Variants in DCAF17 observed in about 807,000 individuals in gnomAD.
The protein encoded by DCAF17 is DDB1 and CUL4 associated factor 17, also known as DDB1- and CUL4-associated factor 17.
A neutral mutation model predicts 66.0 loss-of-function variants in DCAF17; 48 were observed. That is an observed-to-expected ratio of 0.73 (90% confidence interval 0.58 to 0.92). The LOEUF (loss-of-function observed/expected upper bound fraction) is 0.92. DCAF17 is among the 40% of genes least tolerant of loss of function. The pLI, the probability that DCAF17 is intolerant of heterozygous loss-of-function variation, is 0.00. For synonymous variants in DCAF17, 206 were observed against 214.6 expected (o/e 0.96, Z 0.35); for missense variants, 562 against 622.8 (o/e 0.90, Z 1.04).
intron 4 of DCAF17, among the ~76,000 whole-genome samples, chr2:171,449,201 T>G (rs993053457): frequency 6.6e-6 from 1 of 152,148 alleles, no homozygotes; most frequent in African/African-American, 2.4e-5. Context: ...AGAGCTGAGG[T>G]TTCCCTATGT....
chr2:171,451,890 T>G (rs1270639034), intron 5 of DCAF17, among the ~76,000 whole-genome samples: 2 of 152,224 alleles, frequency 1.3e-5, no homozygotes, highest in Non-Finnish European at 2.9e-5. Context: ...CGTTATCATA[T>G]GTTAATGTTT....
intron 13 of DCAF17, among the ~76,000 whole-genome samples, chr2:171,480,697 T>C (rs1433528634): frequency 6.6e-6 from 1 of 152,160 alleles, no homozygotes; most frequent in African/African-American, 2.4e-5. Flanking sequence ...TCGTAAATGA[T>C]CACACAGTGA....
Position 171,481,223 on chromosome 2 carries a change from A to C in DCAF17, c.*109A>C, listed in dbSNP as rs1289167244. On this transcript the variant is annotated 3_prime_UTR_variant, in exon 14 of 14. Transcript: ENST00000375255. ...CACATTCTCCAGTATTTTCCAAAAA[A>C]GTCTTGTGTTGACTTCAGATGACTA... 1 of 1,435,826 alleles carries C rather than the reference A, an allele frequency of 7.0e-7. No homozygotes were observed. The highest frequency in any genetic ancestry group is 2.3e-5 in the East Asian group (1 of 43,332). The allele number at this position is 1,435,826 out of a possible 1,614,324, so 88.9% of individuals were successfully genotyped here.
intron 7 of DCAF17, 93 bp downstream of exon 7, chr2:171,458,168 G>A (rs1355955925): frequency 8.2e-6 from 10 of 1,221,662 alleles, no homozygotes; most frequent in Non-Finnish European, 1.2e-5. Context: ...TTAGAGTAAG[G>A]CACTTCTGTA....
At position 171,434,842 on chromosome 2, in the gene DCAF17, A is replaced by G. The variant is rs900905980; in HGVS notation, c.126+139A>G. 7.8e-5 allele frequency: 103 copies of G among 1,323,010 alleles called. 1 individual carries two copies. In the South Asian group the frequency reaches 1.3e-3, roughly 17 times the overall value. 82.0% of individuals were successfully genotyped at this position (1,323,010 alleles called of 1,614,324 possible). On this transcript the variant is annotated intron_variant, in intron 1 of 13. Transcript: ENST00000375255. ...ATGGGGAGGAGGATACAAGCCCGGA[A>G]TCTGGGATAGGTGGTAATAGGGCCA...
chr2:171,460,790 C>A (rs1161525759), intron 8 of DCAF17, among the ~76,000 whole-genome samples: 1 of 152,064 alleles, frequency 6.6e-6, no homozygotes, highest in Non-Finnish European at 1.5e-5. Flanking sequence ...CCTACCTCAT[C>A]CGCCCAAAGT....
chr2:171,458,215 C>A, intron 7 of DCAF17, 140 bp downstream of exon 7: 2 of 1,031,912 alleles, frequency 1.9e-6, no homozygotes, highest in Non-Finnish European at 3.0e-6. Context: ...ATGTAGAAGA[C>A]AAGTAACCTT....
intron 8 of DCAF17, among the ~76,000 whole-genome samples, chr2:171,459,824 T>C (rs1178230780): frequency 6.6e-6 from 1 of 152,184 alleles, no homozygotes; most frequent in Non-Finnish European, 1.5e-5. Context: ...ACTCAAGTTT[T>C]TAGATGCCTT....
intron 1 of DCAF17, 63 bp downstream of exon 1, chr2:171,434,766 C>T (rs1169271923): frequency 7.2e-7 from 1 of 1,389,550 alleles, no homozygotes. Flanking sequence ...GAGCCTCCTG[C>T]GGGGATGCGG....
Position 171,484,003 on chromosome 2 carries a change from A to T in DCAF17, c.*2889A>T, listed in dbSNP as rs1046016532. 5.5e-5 allele frequency: 25 copies of T among 453,740 alleles called. No homozygotes were observed. The highest frequency in any genetic ancestry group is 5.4e-4 in the Admixed American group (23 of 42,528). The allele number at this position is 453,740 out of a possible 1,614,324, so 28.1% of individuals were successfully genotyped here. On this transcript the variant is annotated 3_prime_UTR_variant, in exon 14 of 14. Coordinates refer to ENST00000375255, the MANE Select transcript of DCAF17 (RefSeq NM_025000.4). Reference sequence around the variant, plus strand: ...GGAAAGTGCTTAATAATCGTTTTTTACTGATGATTCAGTGTCTAAATTTTG... The same window carrying T: ...GGAAAGTGCTTAATAATCGTTTTTTTCTGATGATTCAGTGTCTAAATTTTG...
chr2:171,484,529 C>T lies in DCAF17; in HGVS notation c.*3415C>T, dbSNP rs1264515713. The T allele has an allele frequency of 4.4e-6, 2 of 451,928 alleles. No homozygotes were observed. Among genetic ancestry groups the T allele is most frequent in the East Asian group, 1.4e-4 (2 of 14,404 alleles). 28.0% of individuals were successfully genotyped at this position (451,928 alleles called of 1,614,324 possible). On this transcript the variant is annotated 3_prime_UTR_variant, in exon 14 of 14. Coordinates refer to ENST00000375255, the MANE Select transcript of DCAF17 (RefSeq NM_025000.4). ...ATTGCAGTTGCTGATATACTTCCCC[C>T]TAGTACTTCAACTGCAGATTATTAA...
At chr2:171,460,271 C>T (rs886116392) in intron 8 of DCAF17, among the ~76,000 whole-genome samples, 6 of 145,412 alleles carry the variant, frequency 4.1e-5, no homozygotes, top group East Asian at 2.0e-4. Context: ...TGCAGTGAGC[C>T]GAGATCGTGC....
At chr2:171,452,054 T>G (rs1694986162) in intron 5 of DCAF17, among the ~76,000 whole-genome samples, 1 of 152,002 alleles carries the variant, frequency 6.6e-6, no homozygotes, top group African/African-American at 2.4e-5. Context: ...ACAGAAGGAG[T>G]CTGATTTACC....
chr2:171,446,417 G>A (rs767232889), intron 3 of DCAF17, among the ~76,000 whole-genome samples: 21 of 151,960 alleles, frequency 1.4e-4, no homozygotes, highest in Non-Finnish European at 2.4e-4. Context: ...GTGGTGGCAC[G>A]CACCTGTAAT....
intron 5 of DCAF17, 41 bp from the exon 6 acceptor site, chr2:171,453,083 T>C (rs1695046023): frequency 7.1e-7 from 1 of 1,404,166 alleles, no homozygotes; most frequent in Admixed American, 1.9e-5. Context: ...GTTTCTGAAG[T>C]ACTTTTGAGA....
At chr2:171,457,487 C>T (rs1039433695) in intron 6 of DCAF17, among the ~76,000 whole-genome samples, 1 of 152,182 alleles carries the variant, frequency 6.6e-6, no homozygotes, top group Non-Finnish European at 1.5e-5. Context: ...GATTGAAGAA[C>T]ATCTTTCACT....
intron 12 of DCAF17, 140 bp downstream of exon 12, chr2:171,478,210 C>T: frequency 1.4e-6 from 1 of 727,024 alleles, no homozygotes; most frequent in Non-Finnish European, 2.5e-6. Context: ...GTTGCGCATG[C>T]TATTTCAACC....
Position 171,450,082 on chromosome 2 carries a change from G to A in DCAF17, c.537+125G>A, listed in dbSNP as rs996595557. ...CATGCTGTAAAAGATAGGATTCACG[G>A]CAACCTGGATGGGATCGGAGACCAT... On this transcript the variant is annotated intron_variant, in intron 5 of 13. Coordinates refer to ENST00000375255, the MANE Select transcript of DCAF17 (RefSeq NM_025000.4). 13 of 818,376 alleles carry A rather than the reference G, an allele frequency of 1.6e-5. No homozygotes were observed. The African/African-American group carries it at 2.0e-4, about 13-fold the overall frequency. The allele number at this position is 818,376 out of a possible 1,614,324, so 50.7% of individuals were successfully genotyped here.
intron 6 of DCAF17, among the ~76,000 whole-genome samples, chr2:171,455,046 A>T (rs971744920): frequency 6.6e-6 from 1 of 151,408 alleles, no homozygotes; most frequent in Non-Finnish European, 1.5e-5. Context: ...AACATGTGTC[A>T]TGGGGGTTTG....
Sources: allele counts gnomAD v4.1 joint callset (sites outside exome capture counted in the v4.1 genomes callset), GRCh38; gene constraint gnomAD v4.1.1; transcripts MANE v1.5; gene names NCBI Gene and HGNC (gene_info 2026-07-23, HGNC 2026-07-21).